CAMK2G: variants seen among roughly 807,000 people sequenced by gnomAD.
CAMK2G encodes calcium/calmodulin-dependent protein kinase type II subunit gamma.
CAMK2G carries 23 observed loss-of-function variants against 88.7 expected under a neutral mutation model. That is an observed-to-expected ratio of 0.26 (90% CI 0.19 to 0.37). The LOEUF (loss-of-function observed/expected upper bound fraction) is 0.37, where lower values mean the gene tolerates loss of function less well. CAMK2G is among the 10% of genes least tolerant of loss of function. The pLI is 1.00. For synonymous variants in CAMK2G, 263 were observed against 294.8 expected, an observed-to-expected ratio of 0.89 and a Z score of 1.11; for missense variants, 476 against 780.8, an observed-to-expected ratio of 0.61 and a Z score of 4.65.
chr10:73,812,763 T>C lies in CAMK2G; in HGVS notation c.*1755A>G, dbSNP rs981099724. 1.3e-5 allele frequency: 2 copies of C among 152,696 alleles called. No individual in the cohort carries two copies. The highest frequency in any genetic ancestry group is 4.8e-5 in the African/African-American group (2 of 41,474). The allele number at this position is 152,696 out of a possible 1,614,324, so 9.5% of individuals were successfully genotyped here. A position where few individuals can be genotyped will look rare whatever the true frequency, so the allele number is the denominator to read the frequency against. On this transcript the variant is annotated 3_prime_UTR_variant, in exon 23 of 23. Coordinates refer to ENST00000423381, the MANE Select transcript of CAMK2G (RefSeq NM_001367534.1). Reference sequence around the variant, plus strand: ...GGGCTGGAGCAGCCATATGAAGCTATGGGTCTCAATGAATTCTAAGACCAT... The same window carrying C: ...GGGCTGGAGCAGCCATATGAAGCTACGGGTCTCAATGAATTCTAAGACCAT...
intron 2 of CAMK2G, among the ~76,000 whole-genome samples, chr10:73,871,626 CCA>C (rs2095834485): frequency 1.3e-5 from 2 of 152,164 alleles, no homozygotes; most frequent in Admixed American, 6.5e-5. Flanking sequence ...GTTGTCCCCC[CCA>C]CCCCCACTCC....
At position 73,825,315 on chromosome 10, in the gene CAMK2G, G is replaced by A. The variant is rs760035393; in HGVS notation, c.1119C>T (p.Ser373=). 2 of 1,613,990 alleles carry A rather than the reference G, an allele frequency of 1.2e-6. No individual in the cohort carries two copies. Among genetic ancestry groups the A allele is most frequent in the Admixed American group, 3.3e-5 (2 of 60,016 alleles). The change falls in exon 16 of 23, where the codon AGC becomes AGT. Residue 373 remains serine, a synonymous_variant. Transcript: ENST00000423381. ...GCAAGGGCGCGGGCTCTTGGGCTGG[G>A]CTTACGAGACTGTTTTTGTTGTTGC... ...PQSNNKNSLV[S]PAQEPAPLQT...
chr10:73,815,466 C>G (rs1284444529), intron 21 of CAMK2G, among the ~76,000 whole-genome samples: 1 of 141,718 alleles, frequency 7.1e-6, no homozygotes, highest in Non-Finnish European at 1.5e-5. Flanking sequence ...AGATGGGTAA[C>G]AGTGACAGTA....
intron 10 of CAMK2G, chr10:73,846,769 T>C (rs1267251428): frequency 2.5e-5 from 4 of 159,586 alleles, no homozygotes; most frequent in Admixed American, 1.3e-4. Context: ...CCTAGGACTT[T>C]AGCGCAGAAG....
At chr10:73,823,808 G>GGTC (rs539583137) in intron 17 of CAMK2G, among the ~76,000 whole-genome samples, 205 of 152,360 alleles carry the variant, frequency 1.3e-3, no homozygotes, top group Middle Eastern at 0.01. Flanking sequence ...TGCAGATAAA[G>GGTC]GATACTAAGG....
chr10:73,819,972 C>T (rs1249641751), intron 18 of CAMK2G, among the ~76,000 whole-genome samples: 2 of 152,226 alleles, frequency 1.3e-5, no homozygotes, highest in African/African-American at 4.8e-5. Flanking sequence ...CAGAGCCCAG[C>T]AGTGACAGCG....
chr10:73,823,680 AGGCCATGGAGAACGCTCCAGGGTCT>A (rs566106121), intron 17 of CAMK2G, among the ~76,000 whole-genome samples: 30 of 152,360 alleles, frequency 2.0e-4, no homozygotes, highest in African/African-American at 7.0e-4. Context: ...CAAAGGGGTC[AGGCCATGGAGAACGCTCCAGGGTCT>A]GGAGATACTC....
rs984595536 is a variant in CAMK2G, at chr10:73,839,153, T to C, written c.1009+386A>G. Among the ~76,000 whole-genome samples, 3 of 152,204 alleles carry C rather than the reference T, an allele frequency of 2.0e-5. No individual in the cohort carries two copies. Among genetic ancestry groups the C allele is most frequent in the African/African-American group, 7.2e-5 (3 of 41,454 alleles). On this transcript the variant is annotated intron_variant, in intron 13 of 22. Transcript: ENST00000423381. The surrounding 1 kb of genome is among the most constrained non-coding windows in gnomAD (Gnocchi z 4.2). ...TCACAATTTTGAGGAGCGCGGCTCCTCTGTGGGGTCTTAAACAGTGCTGCG... is the reference window on the plus strand; with the variant it reads ...TCACAATTTTGAGGAGCGCGGCTCCCCTGTGGGGTCTTAAACAGTGCTGCG...
intron 14 of CAMK2G, among the ~76,000 whole-genome samples, chr10:73,832,440 G>A (rs534482194): frequency 1.3e-5 from 2 of 152,076 alleles, no homozygotes; most frequent in East Asian, 1.9e-4. Flanking sequence ...CCAAGTGGCT[G>A]GGATTACAGG....
chr10:73,826,696 T>A (rs927590125), intron 15 of CAMK2G, among the ~76,000 whole-genome samples: 23 of 152,208 alleles, frequency 1.5e-4, no homozygotes, highest in African/African-American at 4.8e-4. Context: ...CTACCATCCC[T>A]GCACAGGGCA....
chr10:73,858,921 C>T (rs192133783), intron 3 of CAMK2G, among the ~76,000 whole-genome samples: 76 of 152,342 alleles, frequency 5.0e-4, no homozygotes, highest in Non-Finnish European at 8.2e-4. Flanking sequence ...GTGGTCAACC[C>T]GCCCATGGTC....
intron 16 of CAMK2G, among the ~76,000 whole-genome samples, chr10:73,824,690 C>T (rs1589953639): frequency 6.6e-6 from 1 of 152,072 alleles, no homozygotes; most frequent in Non-Finnish European, 1.5e-5. Flanking sequence ...TTCCCAGTCA[C>T]CCCCCTGCTG....
chr10:73,824,932 T>C (rs1235034196), intron 16 of CAMK2G, among the ~76,000 whole-genome samples: 4 of 152,074 alleles, frequency 2.6e-5, no homozygotes, highest in Non-Finnish European at 5.9e-5. Flanking sequence ...CCAAGAAAGC[T>C]CCTACCCTCT....
chr10:73,865,931 T>G (rs1196206866), intron 2 of CAMK2G, among the ~76,000 whole-genome samples: 1 of 150,584 alleles, frequency 6.6e-6, no homozygotes, highest in Non-Finnish European at 1.5e-5. Flanking sequence ...CAGGGCCACT[T>G]CCTGCCTGCC....
At position 73,839,872 on chromosome 10, in the gene CAMK2G, CGGA is replaced by C. The variant is rs2093628743; in HGVS notation, c.947-274_947-272del. Among the ~76,000 whole-genome samples, 2 of 152,296 alleles carry C rather than the reference CGGA, an allele frequency of 1.3e-5. No homozygotes were observed. Among genetic ancestry groups the C allele is most frequent in the South Asian group, 4.1e-4 (2 of 4,828 alleles). The stretch of plus-strand genomic sequence containing the variant: ...GCAGTGCCTGTCTCATGACCCCCTC[CGGA>C]GGAGGGTCCACAGCGAAATGCCTGA... On this transcript the variant is annotated intron_variant, in intron 12 of 22. Coordinates refer to ENST00000423381, the MANE Select transcript of CAMK2G (RefSeq NM_001367534.1). The surrounding 1 kb of genome is among the most constrained non-coding windows in gnomAD (Gnocchi z 4.2).
At position 73,822,652 on chromosome 10, in the gene CAMK2G, C is replaced by T. The variant is rs554916378; in HGVS notation, c.1201-922G>A. ...CTCATCACTCTCCTATGGTTCTCCC[C>T]GTCTCACTTTGCTCTTCCCTCTGCT... On this transcript the variant is annotated intron_variant, in intron 17 of 22. Coordinates refer to ENST00000423381, the MANE Select transcript of CAMK2G (RefSeq NM_001367534.1). 7.2e-5 allele frequency among the ~76,000 whole-genome samples: 11 copies of T among 152,168 alleles called. No individual in the cohort carries two copies. In the East Asian group the frequency reaches 1.5e-3, roughly 21 times the overall value.
At chr10:73,820,465 TA>T (rs2087654500) in intron 18 of CAMK2G, among the ~76,000 whole-genome samples, 1 of 48,356 alleles carries the variant, frequency 2.1e-5, no homozygotes, top group South Asian at 1.0e-3. Context: ...GTTTTATATT[TA>T]TATATATATA....
In CAMK2G at chr10:73,848,693, T is replaced by G. The variant is rs1272626748; in HGVS notation, c.518-84A>C. On this transcript the variant is annotated intron_variant, in intron 7 of 22. Transcript: ENST00000423381. The surrounding 1 kb of genome is among the most constrained non-coding windows in gnomAD (Gnocchi z 4.5). ...CACCAGCCATTTCCCCCAAGTCCCA[T>G]CTTATTCCTGCTGCTTTTGCTACAT... is the stretch of plus-strand genomic sequence containing the variant. The G allele has an allele frequency of 3.9e-6, 3 of 775,890 alleles. No individual in the cohort carries two copies. Among genetic ancestry groups the G allele is most frequent in the Non-Finnish European group, 6.5e-6 (3 of 462,558 alleles). The allele number at this position is 775,890 out of a possible 1,614,324, so 48.1% of individuals were successfully genotyped here.
At chr10:73,868,876 C>T (rs2095694621) in intron 2 of CAMK2G, among the ~76,000 whole-genome samples, 1 of 152,224 alleles carries the variant, frequency 6.6e-6, no homozygotes, top group South Asian at 2.1e-4. Context: ...AAAGGGACAG[C>T]CTTTACCCTT....
Sources: gnomAD v4.1 joint callset for allele counts (sites outside exome capture counted in the v4.1 genomes callset) on GRCh38, gnomAD v4.1.1 for gene constraint, Gnocchi (gnomAD v3.1) non-coding constraint, MANE v1.5 for transcripts, NCBI Gene and HGNC (gene_info 2026-07-23, HGNC 2026-07-21) for gene names.